Variants in ASB3 observed in about 807,000 individuals in gnomAD.
The protein encoded by ASB3 is ankyrin repeat and SOCS box containing 3.
ASB3 carries 41 observed loss-of-function variants against 54.5 expected under a neutral mutation model. The ratio of observed to expected loss-of-function variants is 0.75; its 90% confidence interval spans 0.59 to 0.98. ASB3 has a LOEUF of 0.98. Among genes scored for constraint, ASB3 ranks in the 50% least tolerant of loss-of-function variants. The pLI, the probability that ASB3 is intolerant of heterozygous loss-of-function variation, is 0.00. For synonymous variants in ASB3, 266 were observed against 221.2 expected, an observed-to-expected ratio of 1.20 and a Z score of -1.80; for missense variants, 733 against 620.0, an observed-to-expected ratio of 1.18 and a Z score of -1.94.
intron 9 of ASB3, among the ~76,000 whole-genome samples, chr2:53,678,524 T>C (rs571501855): frequency 6.6e-6 from 1 of 152,288 alleles, no homozygotes; most frequent in East Asian, 1.9e-4. Context: ...AACTACAAAA[T>C]ATCATTATAG....
intron 3 of ASB3, 99 bp downstream of exon 3, chr2:53,750,684 A>T: frequency 7.8e-7 from 1 of 1,274,960 alleles, no homozygotes; most frequent in Non-Finnish European, 1.0e-6. Flanking sequence ...CCAAAAGAAC[A>T]TACTATAAGC....
intron 2 of ASB3, among the ~76,000 whole-genome samples, chr2:53,759,904 G>A (rs1336343025): frequency 3.3e-5 from 5 of 152,016 alleles, no homozygotes; most frequent in South Asian, 2.1e-4. Context: ...ACAGAGCCCC[G>A]GGTATGCTTG....
intron 3 of ASB3, among the ~76,000 whole-genome samples, chr2:53,735,548 A>T (rs1406589497): frequency 2.0e-5 from 3 of 152,100 alleles, no homozygotes; most frequent in African/African-American, 4.8e-5. Flanking sequence ...TATTTTAAAA[A>T]TATCAATTCT....
chr2:53,706,813 G>A (rs1003287072), intron 7 of ASB3, among the ~76,000 whole-genome samples: 5 of 152,146 alleles, frequency 3.3e-5, no homozygotes, highest in Non-Finnish European at 5.9e-5. Context: ...CCCAATACTA[G>A]TTACTAAGAG....
intron 2 of ASB3, among the ~76,000 whole-genome samples, chr2:53,759,243 C>T (rs1272230206): frequency 6.6e-6 from 1 of 152,172 alleles, no homozygotes; most frequent in African/African-American, 2.4e-5. Flanking sequence ...CAGACATTTG[C>T]TAACTTGCGT....
intron 8 of ASB3, among the ~76,000 whole-genome samples, chr2:53,698,347 T>C (rs1163089311): frequency 6.6e-6 from 1 of 152,226 alleles, no homozygotes; most frequent in East Asian, 1.9e-4. Flanking sequence ...AGCAAAGGGT[T>C]GCTAGTCACA....
intron 8 of ASB3, chr2:53,694,489 C>G (rs186568093): frequency 2.6e-5 from 4 of 152,946 alleles, no homozygotes; most frequent in Non-Finnish European, 4.4e-5. Context: ...GGATGCACAG[C>G]TGTTCTCCTC....
chr2:53,693,223 G>A (rs1448138582), intron 9 of ASB3, among the ~76,000 whole-genome samples: 2 of 152,136 alleles, frequency 1.3e-5, no homozygotes, highest in Non-Finnish European at 2.9e-5. Flanking sequence ...GGGATACTTT[G>A]CATATGTTAT....
chr2:53,741,415 A>C (rs1430365999), intron 3 of ASB3, among the ~76,000 whole-genome samples: 1 of 152,248 alleles, frequency 6.6e-6, no homozygotes, highest in Middle Eastern at 3.2e-3. Context: ...TTTGAACAGA[A>C]TATAAACAAC....
At chr2:53,706,961 C>A (rs957133158) in intron 7 of ASB3, among the ~76,000 whole-genome samples, 1 of 152,174 alleles carries the variant, frequency 6.6e-6, no homozygotes, top group Non-Finnish European at 1.5e-5. Flanking sequence ...TTGTCCGTTC[C>A]AGAAAGAGGA....
At chr2:53,710,754 C>T (rs543039709) in intron 7 of ASB3, among the ~76,000 whole-genome samples, 1 of 152,290 alleles carries the variant, frequency 6.6e-6, no homozygotes, top group African/African-American at 2.4e-5. Flanking sequence ...CTTGACTTTC[C>T]TGCTTTAAGC....
At chr2:53,750,758 T>C (rs199556292) in intron 3 of ASB3, 25 bp downstream of exon 3, 3 of 1,467,874 alleles carry the variant, frequency 2.0e-6, no homozygotes, top group East Asian at 2.5e-5. Context: ...AAAAATTGCA[T>C]CTGCACCACA....
At chr2:53,687,821 T>C in intron 9 of ASB3, among the ~76,000 whole-genome samples, 1 of 152,184 alleles carries the variant, frequency 6.6e-6, no homozygotes, top group Admixed American at 6.5e-5. Flanking sequence ...GTAGCTCTTT[T>C]TTTATCTTTT....
chr2:53,717,019 C>A (rs980590294), intron 5 of ASB3, among the ~76,000 whole-genome samples: 2 of 152,112 alleles, frequency 1.3e-5, no homozygotes, highest in African/African-American at 4.8e-5. Context: ...GTGTTTGAGA[C>A]CAGCCTGGGC....
intron 5 of ASB3, among the ~76,000 whole-genome samples, chr2:53,723,815 C>T (rs1670843701): frequency 6.6e-6 from 1 of 152,004 alleles, no homozygotes; most frequent in Non-Finnish European, 1.5e-5. Flanking sequence ...ACAAAGTTGA[C>T]AAAAATAAGC....
chr2:53,689,043 C>T (rs1030489567), intron 9 of ASB3, among the ~76,000 whole-genome samples: 1 of 151,610 alleles, frequency 6.6e-6, no homozygotes, highest in Middle Eastern at 3.2e-3. Context: ...AAAATTTTAG[C>T]CAGTAAATTT....
intron 3 of ASB3, among the ~76,000 whole-genome samples, chr2:53,733,825 T>C (rs1671462561): frequency 6.6e-6 from 1 of 152,146 alleles, no homozygotes; most frequent in South Asian, 2.1e-4. Flanking sequence ...CTCACAGCCT[T>C]TGGAGCTGAA....
rs115617335 is a variant in ASB3 at position 53,721,854 on chromosome 2, T to G, written c.605-5111A>C. Among the ~76,000 whole-genome samples the G allele has an allele frequency of 5.5e-3, 834 of 152,032 alleles. 4 individuals are homozygous for G. The highest frequency in any genetic ancestry group is 0.019 in the African/African-American group (773 of 41,452). On this transcript the variant is annotated intron_variant, in intron 5 of 9. Transcript: ENST00000263634. ...AAAATAATTAAAATCAGAGTGGAACTGAATGAAATTGAGACCCAAAAATCC... is the reference window on the plus strand; with the variant it reads ...AAAATAATTAAAATCAGAGTGGAACGGAATGAAATTGAGACCCAAAAATCC...
In ASB3 at chr2:53,708,090, T is replaced by C. The variant is rs549834875; in HGVS notation, c.980+6294A>G. Among the ~76,000 whole-genome samples, 58 of 152,280 alleles carry C rather than the reference T, an allele frequency of 3.8e-4. No individual in the cohort carries two copies. In the South Asian group the frequency reaches 5.6e-3, roughly 15 times the overall value. On this transcript the variant is annotated intron_variant, in intron 7 of 9. Transcript: ENST00000263634. The stretch of plus-strand genomic sequence containing the variant: ...TCCCCACCCAAATCTCATGATGAAT[T>C]GTAATCCCCAGTGTTGAAGGTGGGG...
Sources: allele counts gnomAD v4.1 joint callset (sites outside exome capture counted in the v4.1 genomes callset), GRCh38; gene constraint gnomAD v4.1.1; transcripts MANE v1.5; gene names NCBI Gene and HGNC (gene_info 2026-07-23, HGNC 2026-07-21).